The following CACNA2D2 variants were observed in gnomAD, a reference collection of about 807,000 sequenced individuals.
The protein encoded by CACNA2D2 is voltage-dependent calcium channel subunit alpha-2/delta-2.
A neutral mutation model predicts 166.4 loss-of-function variants in CACNA2D2; 48 were observed. The ratio of observed to expected loss-of-function variants is 0.29; its 90% confidence interval spans 0.23 to 0.37. CACNA2D2 has a LOEUF of 0.37. Among genes scored for constraint, CACNA2D2 ranks in the 10% least tolerant of loss-of-function variants. The pLI is 1.00. For synonymous variants in CACNA2D2, 561 were observed against 573.7 expected, an observed-to-expected ratio of 0.98 and a Z score of 0.32; for missense variants, 1,122 against 1,433.0, an observed-to-expected ratio of 0.78 and a Z score of 3.50.
At chr3:50,374,660 G>C (rs903159958) in intron 22 of CACNA2D2, 77 bp downstream of exon 22, 9 of 1,510,238 alleles carry the variant, frequency 6.0e-6, no homozygotes, top group Non-Finnish European at 8.1e-6. Context: ...AAGCGGCGCT[G>C]GCTATGCTGC....
rs1471724193 is a variant in CACNA2D2 at position 50,366,033 on chromosome 3, G to A, written c.2840C>T (p.Ala947Val). Residue 947 changes from alanine (A) to valine (V), a missense_variant, in exon 32 of 38, where the codon GCT becomes GTT. By Grantham distance (64) the Ala-to-Val change is moderately conservative. Around this residue, in one of 2 missense-constraint regions of CACNA2D2, gnomAD observed 282 missense variants for 266.2 expected, o/e 1.06. Coordinates refer to ENST00000424201, the MANE Select transcript of CACNA2D2 (RefSeq NM_006030.4). The surrounding 1 kb of genome is among the most constrained non-coding windows in gnomAD (Gnocchi z 5.9). ...CACCACAAAGACACCCCGGGGTGCA[G>A]CACCCAGGTTGCCAGGGGGCTGAGG... Reference protein sequence around the residue: ...CAPQPPGNLGAAPRGVFVPTV... With the variant: ...CAPQPPGNLGVAPRGVFVPTV... 5 of 1,613,118 alleles carry A rather than the reference G, an allele frequency of 3.1e-6. No individual in the cohort carries two copies. The South Asian group carries it at 4.4e-5, about 14-fold the overall frequency.
intron 13 of CACNA2D2, among the ~76,000 whole-genome samples, 168 bp from the exon 14 acceptor site, chr3:50,378,501 T>C (rs1705112028): frequency 6.6e-6 from 1 of 151,952 alleles, no homozygotes; most frequent in South Asian, 2.1e-4. Context: ...CCAAGGGCGG[T>C]GCTATGGAGA....
Position 50,474,653 on chromosome 3 carries a change from T to G in CACNA2D2, c.288+1465A>C, listed in dbSNP as rs186913681. On this transcript the variant is annotated intron_variant, in intron 2 of 37. Transcript: ENST00000424201. ...TGACTGGAGGAGTACCGTTAACTCC[T>G]GATATGTGGTATAGCTTATGTCCCG... Among the ~76,000 whole-genome samples the G allele has an allele frequency of 5.3e-5, 8 of 152,334 alleles. No individual in the cohort carries two copies. The East Asian group carries it at 1.5e-3, about 29-fold the overall frequency.
rs1707221396 is a variant in CACNA2D2, at chr3:50,415,372, ACAG to A, written c.405+18938_405+18940del. On this transcript the variant is annotated intron_variant, in intron 3 of 37. Coordinates refer to ENST00000424201, the MANE Select transcript of CACNA2D2 (RefSeq NM_006030.4). ...TTGTCAATACAATTATACTCTGGAA[ACAG>A]GAGTCCTGGAGACTTGAGTTCCAGG... Among the ~76,000 whole-genome samples the A allele has an allele frequency of 3.3e-5, 5 of 152,240 alleles. No homozygotes were observed. In the South Asian group the frequency reaches 1.0e-3, roughly 31 times the overall value.
chr3:50,377,806 G>A lies in CACNA2D2; in HGVS notation c.1480-3C>T. The A allele has an allele frequency of 1.2e-6, 2 of 1,611,818 alleles. No homozygotes were observed. The highest frequency in any genetic ancestry group is 1.7e-6 in the Non-Finnish European group (2 of 1,178,818). ...CCTGTTACCACCAACCCCAGTCCCT[G>A]AAGGGAGAGGAAGATGATGGAGTCA... On this transcript the variant is annotated splice_polypyrimidine_tract_variant and splice_region_variant and intron_variant, in intron 15 of 37. Coordinates refer to ENST00000424201, the MANE Select transcript of CACNA2D2 (RefSeq NM_006030.4).
At chr3:50,389,339 C>T (rs1327840269) in intron 4 of CACNA2D2, among the ~76,000 whole-genome samples, 1 of 152,246 alleles carries the variant, frequency 6.6e-6, no homozygotes, top group Non-Finnish European at 1.5e-5. Flanking sequence ...ATCAATTCAA[C>T]ACACTTGCTG....
At chr3:50,490,334 G>A (rs1001712730) in intron 1 of CACNA2D2, among the ~76,000 whole-genome samples, 1 of 152,182 alleles carries the variant, frequency 6.6e-6, no homozygotes, top group African/African-American at 2.4e-5. Context: ...GGCAGAGGGT[G>A]AGGATCCTGT....
intron 5 of CACNA2D2, among the ~76,000 whole-genome samples, chr3:50,385,034 C>T (rs1440760662): frequency 1.3e-5 from 2 of 152,240 alleles, no homozygotes; most frequent in Non-Finnish European, 2.9e-5. Flanking sequence ...AGCAGCCTGA[C>T]AGGTGCCAAT....
At position 50,365,167 on chromosome 3, in the gene CACNA2D2, C is replaced by T. The variant is rs1013511770; in HGVS notation, c.3116G>A (p.Arg1039Lys). The stretch of plus-strand genomic sequence containing the variant: ...AAAGAGAAGATTGGTGTTGGTCAGT[C>T]TCTGCGCGTGGAACAGCCTGCGGGC... ...GNCSRLFHAQRLTNTNLLFVV... is the reference protein window; with the variant it reads ...GNCSRLFHAQKLTNTNLLFVV... The change falls in exon 36 of 38, where the codon AGA (arginine) becomes AAA (lysine). Residue 1039 changes from arginine (R) to lysine (K), a missense_variant. By Grantham distance (26) the Arg-to-Lys change is conservative. Coordinates refer to ENST00000424201, the MANE Select transcript of CACNA2D2 (RefSeq NM_006030.4). The surrounding 1 kb of genome is among the most constrained non-coding windows in gnomAD (Gnocchi z 4.5). The T allele has an allele frequency of 9.9e-6, 16 of 1,612,048 alleles. No homozygotes were observed. Among genetic ancestry groups the T allele is most frequent in the African/African-American group, 2.7e-5 (2 of 74,878 alleles).
rs1246321963 is a variant in CACNA2D2, at chr3:50,374,785, T to C, written c.1936A>G (p.Thr646Ala). The change falls in exon 22 of 38, where the codon ACC (threonine) becomes GCC (alanine). Residue 646 changes from threonine to alanine, a missense_variant. By Grantham distance (58) the Thr-to-Ala change is moderately conservative. Coordinates refer to ENST00000424201, the MANE Select transcript of CACNA2D2 (RefSeq NM_006030.4). ...SLGLVLPPYS[T>A]FYLQANLSDQ... is the part of the protein sequence containing the mutation. ...CTGAGATTGGCTTGGAGGTAGAAGG[T>C]GCTGTAGGGTGGGAGCACCAGCCCC... is the stretch of plus-strand genomic sequence containing the variant. The C allele has an allele frequency of 6.3e-7, 1 of 1,594,844 alleles. No individual in the cohort carries two copies. Among genetic ancestry groups the C allele is most frequent in the Non-Finnish European group, 8.5e-7 (1 of 1,171,956 alleles).
intron 1 of CACNA2D2, among the ~76,000 whole-genome samples, chr3:50,480,378 C>A (rs1697992454): frequency 6.6e-6 from 1 of 152,096 alleles, no homozygotes; most frequent in Admixed American, 6.5e-5. Context: ...GGACAGTCCC[C>A]TGAGGGCTAG....
intron 1 of CACNA2D2, among the ~76,000 whole-genome samples, chr3:50,484,011 C>G (rs904531775): frequency 8.5e-5 from 13 of 152,150 alleles, no homozygotes; most frequent in African/African-American, 1.7e-4. Context: ...CTTCAATGCC[C>G]AGCTGCGGGT....
At position 50,364,431 on chromosome 3, in the gene CACNA2D2, T is replaced by G; in HGVS notation, c.*235A>C. On this transcript the variant is annotated 3_prime_UTR_variant, in exon 38 of 38. Transcript: ENST00000424201. ...GGGGGAGCCCAGCAGGCAAGAAGGG[T>G]CTGGGGACACTTGAACAGTTCGGAG... The G allele has an allele frequency of 3.7e-6, 2 of 539,892 alleles. No homozygotes were observed. The highest frequency in any genetic ancestry group is 3.7e-5 in the Admixed American group (1 of 27,176). 33.4% of individuals were successfully genotyped at this position (539,892 alleles called of 1,614,324 possible).
rs559004773 is a variant in CACNA2D2, at chr3:50,476,162, C to T, written c.244G>A (p.Asp82Asn). ...CCTCCAAAAATCCGCATCACGCCGT[C>T]GACCTCCTGCTCCAGACGCCGGGCC... ...HWARRLEQEV[D>N]GVMRIFGGVQ... is the part of the protein sequence containing the mutation. The change falls in exon 2 of 38, where the codon GAC becomes AAC. Residue 82 changes from aspartate to asparagine, a missense_variant. By Grantham distance (23) the Asp-to-Asn change is conservative. This residue lies in a region of CACNA2D2 where 840 missense variants were observed against 1,166.8 expected (regional missense o/e 0.72). Transcript: ENST00000424201. 1.6e-5 allele frequency: 25 copies of T among 1,601,716 alleles called. No individual in the cohort carries two copies. In the Middle Eastern group the frequency reaches 6.6e-4, roughly 42 times the overall value.
At chr3:50,486,975 G>A (rs754979535) in intron 1 of CACNA2D2, among the ~76,000 whole-genome samples, 21 of 152,364 alleles carry the variant, frequency 1.4e-4, no homozygotes, top group Non-Finnish European at 2.2e-4. Context: ...CAATGCTGAC[G>A]CGGAGGGCCT....
chr3:50,428,232 C>T (rs1369197305), intron 3 of CACNA2D2, among the ~76,000 whole-genome samples: 2 of 152,166 alleles, frequency 1.3e-5, no homozygotes, highest in Admixed American at 6.5e-5. Flanking sequence ...TGCTGAACAT[C>T]CCACAGTGCA....
intron 2 of CACNA2D2, among the ~76,000 whole-genome samples, chr3:50,468,311 T>G (rs1173223232): frequency 4.0e-5 from 6 of 151,838 alleles, no homozygotes; most frequent in Non-Finnish European, 8.8e-5. Context: ...TGAACTGATC[T>G]CCCGCTGTCC....
chr3:50,387,788 C>T (rs1705688064), intron 4 of CACNA2D2, among the ~76,000 whole-genome samples, 176 bp from the exon 5 acceptor site: 1 of 152,202 alleles, frequency 6.6e-6, no homozygotes, highest in African/African-American at 2.4e-5. Flanking sequence ...GAGAATGCAG[C>T]CAGGCCTATC....
At position 50,364,189 on chromosome 3, in the gene CACNA2D2, C is replaced by T. The variant is rs1704084548; in HGVS notation, c.*477G>A. On this transcript the variant is annotated 3_prime_UTR_variant, in exon 38 of 38. Coordinates refer to ENST00000424201, the MANE Select transcript of CACNA2D2 (RefSeq NM_006030.4). ...CCATGGGGGCTGCCCCAGAGCCTCT[C>T]TCCTGCTAGGATTTAAGCTGGGAGG... 1 of 165,656 alleles carries T rather than the reference C, an allele frequency of 6.0e-6. No homozygotes were observed. The highest frequency in any genetic ancestry group is 2.4e-5 in the African/African-American group (1 of 41,742). The allele number at this position is 165,656 out of a possible 1,614,324, so 10.3% of individuals were successfully genotyped here.
Sources: gnomAD v4.1 joint callset for allele counts (sites outside exome capture counted in the v4.1 genomes callset) on GRCh38, gnomAD v4.1.1 for gene constraint, gnomAD v4.1.1 regional missense constraint, Gnocchi (gnomAD v3.1) non-coding constraint, MANE v1.5 for transcripts, NCBI Gene and HGNC (gene_info 2026-07-23, HGNC 2026-07-21) for gene names.